The following MYRF variants were observed in gnomAD, a reference collection of about 807,000 sequenced individuals.
The protein encoded by MYRF is myelin regulatory factor, also known as myelin gene regulatory factor.
In MYRF, 16 loss-of-function variants were observed where a neutral mutation model predicts 126.3. The observed-to-expected ratio is 0.13, with a 90% CI of 0.09 to 0.19. The LOEUF is 0.19. MYRF is among the 10% of genes least tolerant of loss of function. The pLI is 1.00. For missense variants in MYRF, 1,104 were observed against 1,547.0 expected, an observed-to-expected ratio of 0.71 and a Z score of 4.80; for synonymous variants, 608 against 635.3, an observed-to-expected ratio of 0.96 and a Z score of 0.65.
Position 61,786,365 on chromosome 11 carries a change from G to A in MYRF, c.*222G>A, listed in dbSNP as rs1021495567. 5.1e-6 allele frequency: 3 copies of A among 585,506 alleles called. No homozygotes were observed. Among genetic ancestry groups the A allele is most frequent in the African/African-American group, 3.7e-5 (2 of 53,572 alleles). 36.3% of individuals were successfully genotyped at this position (585,506 alleles called of 1,614,324 possible). ...AACCTGAGAGCCAGAGACTTCTTGG[G>A]CCTTCCTGCCTGCCACCCCCTAGGG... is the stretch of plus-strand genomic sequence containing the variant. On this transcript the variant is annotated 3_prime_UTR_variant, in exon 27 of 27. Coordinates refer to ENST00000278836, the MANE Select transcript of MYRF (RefSeq NM_001127392.3). The surrounding 1 kb of genome is among the most constrained non-coding windows in gnomAD (Gnocchi z 4.5).
intron 3 of MYRF, chr11:61,767,392 C>T (rs1229829770): frequency 2.2e-6 from 1 of 456,524 alleles, no homozygotes; most frequent in Non-Finnish European, 4.4e-6. Flanking sequence ...GGAGCCCTGG[C>T]CACTGCTACC....
Position 61,773,970 on chromosome 11 carries a change from C to T in MYRF, c.1119C>T (p.Pro373=). The T allele has an allele frequency of 6.2e-7, 1 of 1,609,744 alleles. No individual in the cohort carries two copies. Among genetic ancestry groups the T allele is most frequent in the Non-Finnish European group, 8.5e-7 (1 of 1,178,362 alleles). The change falls in exon 8 of 27, where the codon CCC becomes CCT. Residue 373 remains proline, a synonymous_variant. Transcript: ENST00000278836. ...GTGCCCTCACCCGCCCCCCCAGGCC[C>T]ATGCTCACCTACCGCGTGGATGCGG... ...TLYDANYKEL[P]MLTYRVDADK... is the part of the protein sequence containing the mutation.
chr11:61,781,446 C>T, intron 21 of MYRF, 117 bp downstream of exon 21: 1 of 1,538,892 alleles, frequency 6.5e-7, no homozygotes. Context: ...TGGACAATGA[C>T]TGGGAAGTTC....
At position 61,764,056 on chromosome 11, in the gene MYRF, C is replaced by T. The variant is rs150931893; in HGVS notation, c.47-1569C>T. 5.9e-3 allele frequency among the ~76,000 whole-genome samples: 906 copies of T among 152,290 alleles called. 8 individuals are homozygous for T. Among genetic ancestry groups the T allele is most frequent in the African/African-American group, 0.02 (846 of 41,558 alleles). ...CCCAGCTCGAGAAGCTGCTCTTGCCCCGGCCACACCGCCCTGGACGGCCAT... is the reference window on the plus strand; with the variant it reads ...CCCAGCTCGAGAAGCTGCTCTTGCCTCGGCCACACCGCCCTGGACGGCCAT... On this transcript the variant is annotated intron_variant, in intron 1 of 26. Transcript: ENST00000278836.
intron 22 of MYRF, chr11:61,782,388 T>G (rs1249895113): frequency 6.6e-6 from 1 of 152,362 alleles, no homozygotes; most frequent in Non-Finnish European, 1.5e-5. Flanking sequence ...TGATGGATTT[T>G]GTGGCTTCAA....
In MYRF at chr11:61,780,227, T is replaced by C; in HGVS notation, c.2342T>C (p.Val781Ala). The change falls in exon 18 of 27, where the codon GTG (valine) becomes GCG (alanine). Residue 781 changes from valine (V) to alanine (A), a missense_variant. Val to Ala is a moderately conservative substitution (Grantham distance 64). Around this residue, in one of 10 missense-constraint regions of MYRF, gnomAD observed 323 missense variants for 383.1 expected, o/e 0.84. Coordinates refer to ENST00000278836, the MANE Select transcript of MYRF (RefSeq NM_001127392.3). ...ALVVVMAFSV[V>A]SMSTLYVLSL... ...ACCCTTTTCTGTGGCTCCAGCGTGG[T>C]GTCCATGTCCACACTGTACGTGCTG... is the stretch of plus-strand genomic sequence containing the variant. The C allele has an allele frequency of 1.2e-6, 2 of 1,614,030 alleles. No individual in the cohort carries two copies. Among genetic ancestry groups the C allele is most frequent in the Admixed American group, 1.7e-5 (1 of 60,000 alleles).
intron 26 of MYRF, 43 bp downstream of exon 26, chr11:61,785,917 C>A: frequency 6.3e-7 from 1 of 1,594,234 alleles, no homozygotes. Flanking sequence ...CTGGGCACCC[C>A]TGTCTGCGAC....
chr11:61,771,986 G>C, intron 7 of MYRF, 34 bp downstream of exon 7: 1 of 1,610,762 alleles, frequency 6.2e-7, no homozygotes, highest in Non-Finnish European at 8.5e-7. Flanking sequence ...ACTCCTCCAG[G>C]CCCCCCCACC....
Position 61,779,421 on chromosome 11 carries a change from C to T in MYRF, c.2172C>T (p.Phe724=). The T allele has an allele frequency of 6.4e-7, 1 of 1,551,180 alleles. No homozygotes were observed. Among genetic ancestry groups the T allele is most frequent in the Non-Finnish European group, 8.7e-7 (1 of 1,146,856 alleles). The part of the protein sequence containing the change: ...SLKSTGSSGA[F]SHAGSQFSRA... Reference sequence around the variant, plus strand: ...AGTCCACCGGCAGCTCGGGCGCCTTCAGGTAGGGGTGCGGGGTGGGGGAAG... The same window carrying T: ...AGTCCACCGGCAGCTCGGGCGCCTTTAGGTAGGGGTGCGGGGTGGGGGAAG... The change falls in exon 15 of 27, where the codon TTC becomes TTT. Residue 724 remains phenylalanine (F), a splice_region_variant and synonymous_variant. Transcript: ENST00000278836.
chr11:61,771,004 G>A (rs927373444), intron 5 of MYRF, among the ~76,000 whole-genome samples: 7 of 152,230 alleles, frequency 4.6e-5, no homozygotes, highest in Non-Finnish European at 8.8e-5. Context: ...TTAGTTCAAA[G>A]GAAGGTTCTG....
chr11:61,772,063 G>T, intron 7 of MYRF, 111 bp downstream of exon 7: 1 of 1,465,200 alleles, frequency 6.8e-7, no homozygotes, highest in Admixed American at 2.1e-5. Context: ...TCATTTCACA[G>T]AAGAGCAAAC....
In MYRF at chr11:61,759,216, G is replaced by A. The variant is rs149570869; in HGVS notation, c.47-6409G>A. Among the ~76,000 whole-genome samples the A allele has an allele frequency of 7.4e-3, 1,120 of 152,318 alleles. 9 individuals are homozygous for A. Among genetic ancestry groups the A allele is most frequent in the Non-Finnish European group, 8.5e-3 (579 of 68,020 alleles). On this transcript the variant is annotated intron_variant, in intron 1 of 26. Transcript: ENST00000278836. ...CTGTGGGAGAGAGTAGGAACAGGTC[G>A]CAGCTGCTGGCCTCGGTGCTGTTGG...
rs142043145 is a variant in MYRF at position 61,758,578 on chromosome 11, G to A, written c.46+5788G>A. Among the ~76,000 whole-genome samples the A allele has an allele frequency of 2.8e-4, 43 of 152,314 alleles. No individual in the cohort carries two copies. In the East Asian group the frequency reaches 7.1e-3, roughly 25 times the overall value. ...TGTGACGCTGTGCCTGTGGGCCTGG[G>A]CCTGTCGTCGGGTCAGTGAGTGTTT... On this transcript the variant is annotated intron_variant, in intron 1 of 26. Transcript: ENST00000278836.
chr11:61,784,551 C>G (rs894768776), intron 25 of MYRF, 166 bp downstream of exon 25: 2 of 610,628 alleles, frequency 3.3e-6, no homozygotes, highest in Non-Finnish European at 5.8e-6. Context: ...GGGAGGGGCA[C>G]GCGTGCCCGT....
Position 61,780,734 on chromosome 11 carries a change from T to C in MYRF, c.2428T>C (p.Cys810Arg), listed in dbSNP as rs1182375338. 6.5e-7 allele frequency: 1 copy of C among 1,549,566 alleles called. No individual in the cohort carries two copies. The highest frequency in any genetic ancestry group is 1.4e-5 in the African/African-American group (1 of 73,174). ...TAGCTCTTTTGCCGTGTCCACTTCC[T>C]GTCTCCTGGCCCTGCTCCGGCCCCA... is the stretch of plus-strand genomic sequence containing the variant. ...TDGSFAVSTS[C>R]LLALLRPQPP... The change falls in exon 19 of 27, where the codon TGT becomes CGT. Residue 810 changes from cysteine (C) to arginine (R), a missense_variant. Transcript: ENST00000278836.
At chr11:61,781,468 C>A in intron 21 of MYRF, 105 bp from the exon 22 acceptor site, 1 of 1,543,344 alleles carries the variant, frequency 6.5e-7, no homozygotes, top group Non-Finnish European at 8.7e-7. Context: ...CCTGAGAGGA[C>A]CAAGAGACAC....
chr11:61,780,074 C>A (rs992442456), intron 17 of MYRF, 144 bp downstream of exon 17: 2 of 1,199,974 alleles, frequency 1.7e-6, no homozygotes, highest in Non-Finnish European at 1.2e-6. Context: ...TGAGGTGGGC[C>A]TTTCTGCCTC....
In MYRF at chr11:61,777,009, G is replaced by C. The variant is rs917374101; in HGVS notation, c.1590+132G>C. ...TGCTAGGCACTGGCTGTGTGGCCTT[G>C]GGCAAAGCTCCCACCCTCTCTGGGC... is the stretch of plus-strand genomic sequence containing the variant. On this transcript the variant is annotated intron_variant, in intron 11 of 26. Coordinates refer to ENST00000278836, the MANE Select transcript of MYRF (RefSeq NM_001127392.3). This position sits in a 1 kb window ranked among gnomAD's most constrained non-coding sequence, Gnocchi z 8.8. The C allele has an allele frequency of 3.4e-6, 3 of 888,064 alleles. No homozygotes were observed. The African/African-American group carries it at 5.1e-5, about 15-fold the overall frequency. 55.0% of individuals were successfully genotyped at this position (888,064 alleles called of 1,614,324 possible).
At position 61,778,396 on chromosome 11, in the gene MYRF, G is replaced by A; in HGVS notation, c.1920G>A (p.Glu640=). The A allele has an allele frequency of 6.2e-7, 1 of 1,613,914 alleles. No homozygotes were observed. Among genetic ancestry groups the A allele is most frequent in the East Asian group, 2.2e-5 (1 of 44,886 alleles). The change falls in exon 14 of 27, where the codon GAG becomes GAA. Residue 640 remains glutamate, a synonymous_variant. Coordinates refer to ENST00000278836, the MANE Select transcript of MYRF (RefSeq NM_001127392.3). This position sits in a 1 kb window ranked among gnomAD's most constrained non-coding sequence, Gnocchi z 4.6. ...TGCCCCCAGGTGTCATCGCTCAGGA[G>A]GTGAAGGAGATCTTGCCTGAGGCTG... is the stretch of plus-strand genomic sequence containing the variant. The part of the protein sequence containing the change: ...TAPETGVIAQ[E]VKEILPEAVK...
Sources: gnomAD v4.1 joint callset for allele counts (sites outside exome capture counted in the v4.1 genomes callset) on GRCh38, gnomAD v4.1.1 for gene constraint, gnomAD v4.1.1 regional missense constraint, Gnocchi (gnomAD v3.1) non-coding constraint, MANE v1.5 for transcripts, NCBI Gene and HGNC (gene_info 2026-07-23, HGNC 2026-07-21) for gene names.